Variants in ABCD4 observed in about 807,000 individuals in gnomAD.
ABCD4 encodes ATP binding cassette subfamily D member 4.
ABCD4 carries 53 observed loss-of-function variants against 86.3 expected under a neutral mutation model. The observed-to-expected ratio is 0.61, with a 90% CI of 0.49 to 0.77. ABCD4 has a LOEUF of 0.77. Ranked by LOEUF, ABCD4 falls within the 30% of genes least tolerant of loss-of-function variation. The pLI, the probability that ABCD4 is intolerant of heterozygous loss-of-function variation, is 0.00. For missense variants in ABCD4, 757 were observed against 764.5 expected (o/e 0.99, Z 0.12); for synonymous variants, 328 against 313.6 (o/e 1.05, Z -0.49).
At chr14:74,298,748 C>G (rs562124321) in intron 3 of ABCD4, among the ~76,000 whole-genome samples, 1 of 152,162 alleles carries the variant, frequency 6.6e-6, no homozygotes, top group Non-Finnish European at 1.5e-5. Flanking sequence ...GCTTACTGAC[C>G]GAAGACCCAA....
intron 3 of ABCD4, 180 bp downstream of exon 3, chr14:74,299,362 TCCCACG>T: frequency 1.3e-5 from 9 of 666,754 alleles, no homozygotes; most frequent in Non-Finnish European, 2.2e-5. Context: ...GAGGAATCAG[TCCCACG>T]TGGGCCAATA....
chr14:74,300,718 A>G (rs1431596171), intron 1 of ABCD4, among the ~76,000 whole-genome samples: 1 of 152,228 alleles, frequency 6.6e-6, no homozygotes, highest in Non-Finnish European at 1.5e-5. Context: ...TAATGAAGAT[A>G]CCTTAAAAAC....
chr14:74,291,563 A>G (rs1376781244), intron 11 of ABCD4, among the ~76,000 whole-genome samples: 1 of 152,240 alleles, frequency 6.6e-6, no homozygotes, highest in East Asian at 1.9e-4. Flanking sequence ...GGCTCCCCAC[A>G]GAACAGCAAT....
At position 74,286,426 on chromosome 14, in the gene ABCD4, G is replaced by GC. The variant is rs1382426414; in HGVS notation, c.*34dup. ...GGTCTCTCCTGAGGGCCGCCGACCC[G>GC]CCACAGTGTGGCTCTCCTTCCAAAA... On this transcript the variant is annotated 3_prime_UTR_variant, in exon 19 of 19. Transcript: ENST00000356924. 1.9e-5 allele frequency: 30 copies of GC among 1,611,312 alleles called. No homozygotes were observed. Among genetic ancestry groups the GC allele is most frequent in the Non-Finnish European group, 2.5e-5 (29 of 1,177,830 alleles).
Position 74,292,575 on chromosome 14 carries a change from G to A in ABCD4, c.1004C>T (p.Ser335Leu), listed in dbSNP as rs1380113815. 3 of 1,613,936 alleles carry A rather than the reference G, an allele frequency of 1.9e-6. No individual in the cohort carries two copies. The highest frequency in any genetic ancestry group is 2.5e-6 in the Non-Finnish European group (3 of 1,180,012). The change falls in exon 10 of 19, where the codon TCA (serine) becomes TTA (leucine). Residue 335 changes from serine to leucine, a missense_variant. Coordinates refer to ENST00000356924, the MANE Select transcript of ABCD4 (RefSeq NM_005050.4). ...CCTGTGCGTGTAGCCAGCCACATCTGAGAGCGTCGTGGACAGGTCGATGAG... is the reference window on the plus strand; with the variant it reads ...CCTGTGCGTGTAGCCAGCCACATCTAAGAGCGTCGTGGACAGGTCGATGAG... ...TQLIDLSTTL[S>L]DVAGYTHRIG...
rs2082202656 is a variant in ABCD4 at position 74,293,981 on chromosome 14, C to G, written c.720-733G>C. On this transcript the variant is annotated intron_variant, in intron 7 of 18. Transcript: ENST00000356924. ...GCACAGAGGCCACAGAAGAACTCAT[C>G]TGAAACTCTACAAACTAACCTGCCT... 2 of 152,132 alleles carry G rather than the reference C, an allele frequency of 1.3e-5. 1 individual carries two copies. The highest frequency in any genetic ancestry group is 4.1e-4 in the South Asian group (2 of 4,824). The allele number at this position is 152,132 out of a possible 1,614,324, so 9.4% of individuals were successfully genotyped here.
intron 3 of ABCD4, among the ~76,000 whole-genome samples, chr14:74,298,872 A>G (rs755631590): frequency 6.6e-6 from 1 of 152,206 alleles, no homozygotes; most frequent in Non-Finnish European, 1.5e-5. Flanking sequence ...ATCATTTACC[A>G]TTTCCAGGGC....
At chr14:74,296,280 C>G (rs972356663) in intron 5 of ABCD4, 53 bp downstream of exon 5, 2 of 1,549,674 alleles carry the variant, frequency 1.3e-6, no homozygotes, top group Admixed American at 3.3e-5. Flanking sequence ...CCTGGGAGAG[C>G]TGACTGAGGG....
intron 3 of ABCD4, chr14:74,298,964 C>T (rs116004217): frequency 3.2e-5 from 5 of 155,088 alleles, no homozygotes; most frequent in South Asian, 2.0e-4. Flanking sequence ...AGTGTTACAG[C>T]GAGGTAAACT....
rs771010169 is a variant in ABCD4 at position 74,292,309 on chromosome 14, C to T, written c.1096G>A (p.Glu366Lys). ...LKSQDCEILG[E>K]SEWGLDTPPG... ...CACGTGTCCAAGCCCCACTCGCTCT[C>T]GCCCAGGATCTCGCAGTCCTGTGAC... is the stretch of plus-strand genomic sequence containing the variant. Residue 366 changes from glutamate to lysine, a missense_variant, in exon 11 of 19, where the codon GAG (glutamate) becomes AAG (lysine). Physicochemically the swap from Glu to Lys is moderately conservative, Grantham distance 56 (BLOSUM62 1). Transcript: ENST00000356924. The T allele has an allele frequency of 3.7e-5, 60 of 1,613,980 alleles. No individual in the cohort carries two copies. The highest frequency in any genetic ancestry group is 1.6e-4 in the Middle Eastern group (1 of 6,084).
At chr14:74,293,278 G>T in intron 7 of ABCD4, 30 bp from the exon 8 acceptor site, 1 of 1,609,208 alleles carries the variant, frequency 6.2e-7, no homozygotes, top group Non-Finnish European at 8.5e-7. Context: ...ATGTCCACAG[G>T]GCTGGAGAGG....
chr14:74,297,820 G>C, intron 4 of ABCD4, 110 bp downstream of exon 4: 2 of 1,466,872 alleles, frequency 1.4e-6, no homozygotes, highest in Non-Finnish European at 1.8e-6. Context: ...AGCAGCATTT[G>C]AAAACGACTG....
chr14:74,288,999 C>A (rs776602222), intron 14 of ABCD4: 56 of 922,830 alleles, frequency 6.1e-5, no homozygotes, highest in Non-Finnish European at 7.7e-5. Context: ...GTAGCCCCAG[C>A]TACGGAAGAG....
At chr14:74,289,942 C>G in intron 13 of ABCD4, 85 bp downstream of exon 13, 1 of 1,601,292 alleles carries the variant, frequency 6.2e-7, no homozygotes, top group Non-Finnish European at 8.5e-7. Context: ...ACTCTAGGAC[C>G]TGAGACTTGT....
chr14:74,288,141 A>C lies in ABCD4; in HGVS notation c.1559+66T>G, dbSNP rs536526167. The stretch of plus-strand genomic sequence containing the variant: ...GTCAGGAGCCGTTCCATTCCTTGAC[A>C]GGGACCCTGAAACCCACTGTCTTTA... On this transcript the variant is annotated intron_variant, in intron 16 of 18. Coordinates refer to ENST00000356924, the MANE Select transcript of ABCD4 (RefSeq NM_005050.4). 8.4e-6 allele frequency: 13 copies of C among 1,556,666 alleles called. No individual in the cohort carries two copies. The South Asian group carries it at 1.4e-4, about 17-fold the overall frequency.
intron 5 of ABCD4, 147 bp downstream of exon 5, chr14:74,296,186 G>A: frequency 9.1e-7 from 1 of 1,098,270 alleles, no homozygotes; most frequent in African/African-American, 1.6e-5. Context: ...CAAAGGAAGG[G>A]CAGGGGCCTG....
chr14:74,301,532 G>A (rs1223174756), intron 1 of ABCD4, among the ~76,000 whole-genome samples: 4 of 152,232 alleles, frequency 2.6e-5, no homozygotes, highest in African/African-American at 9.6e-5. Flanking sequence ...AAGTGGGAAG[G>A]GATATAAACA....
chr14:74,288,826 G>A, intron 14 of ABCD4, 61 bp from the exon 15 acceptor site: 15 of 1,588,998 alleles, frequency 9.4e-6, no homozygotes, highest in Admixed American at 3.5e-5. Flanking sequence ...AAAATAGACA[G>A]GGCAAGGCTG....
At chr14:74,297,781 G>A in intron 4 of ABCD4, 149 bp downstream of exon 4, 1 of 1,405,930 alleles carries the variant, frequency 7.1e-7, no homozygotes, top group Non-Finnish European at 9.3e-7. Flanking sequence ...GGAGTCCTCT[G>A]CAGGGCACCC....
Sources: allele counts gnomAD v4.1 joint callset (sites outside exome capture counted in the v4.1 genomes callset), GRCh38; gene constraint gnomAD v4.1.1; transcripts MANE v1.5; gene names NCBI Gene and HGNC (gene_info 2026-07-23, HGNC 2026-07-21).